The following SRRM3 variants were observed in gnomAD, a reference collection of about 807,000 sequenced individuals.
The protein encoded by SRRM3 is serine/arginine repetitive matrix protein 3.
Under a neutral mutation model 66.2 loss-of-function variants are expected in SRRM3, and 27 were observed. That is an observed-to-expected ratio of 0.41 (90% CI 0.30 to 0.56). The LOEUF (loss-of-function observed/expected upper bound fraction) is 0.56, where lower values mean the gene tolerates loss of function less well. Ranked by LOEUF, SRRM3 falls within the 20% of genes least tolerant of loss-of-function variation. The pLI, the probability that SRRM3 is intolerant of heterozygous loss-of-function variation, is 0.32. For synonymous variants in SRRM3, 391 were observed against 414.9 expected, an observed-to-expected ratio of 0.94 and a Z score of 0.70; for missense variants, 918 against 991.9, an observed-to-expected ratio of 0.93 and a Z score of 1.00.
chr7:76,216,733 T>C, intron 1 of SRRM3, among the ~76,000 whole-genome samples: 1 of 152,144 alleles, frequency 6.6e-6, no homozygotes, highest in East Asian at 1.9e-4. Context: ...GGGGATGACA[T>C]GGAGAGTGAA....
chr7:76,262,770 C>T (rs1181655322), intron 8 of SRRM3, among the ~76,000 whole-genome samples: 9 of 151,568 alleles, frequency 5.9e-5, no homozygotes, highest in African/African-American at 1.5e-4. Flanking sequence ...GAGCTGAGAT[C>T]GCACCACTGC....
chr7:76,257,074 G>A (rs1298588532), intron 3 of SRRM3, among the ~76,000 whole-genome samples: 2 of 152,058 alleles, frequency 1.3e-5, no homozygotes, highest in African/African-American at 4.8e-5. Flanking sequence ...ATTTTGTGCT[G>A]ACCTCCTATC....
intron 12 of SRRM3, 53 bp from the exon 13 acceptor site, chr7:76,282,595 C>CGGG: frequency 1.9e-6 from 2 of 1,069,444 alleles, no homozygotes; most frequent in Non-Finnish European, 2.5e-6. Flanking sequence ...TCCCCGCCCC[C>CGGG]AGCCCCCTTT....
chr7:76,207,962 C>T (rs911028663), intron 1 of SRRM3, among the ~76,000 whole-genome samples: 5 of 152,290 alleles, frequency 3.3e-5, no homozygotes, highest in Admixed American at 3.3e-4. Flanking sequence ...CTGAGAGCAG[C>T]AGAGAGAGTC....
At position 76,267,394 on chromosome 7, in the gene SRRM3, G is replaced by C; in HGVS notation, c.967G>C (p.Ala323Pro). Residue 323 changes from alanine (A) to proline (P), a missense_variant, in exon 11 of 15, where the codon GCG becomes CCG. By Grantham distance (27) the Ala-to-Pro change is conservative (BLOSUM62 -1). Coordinates refer to ENST00000611745, the MANE Select transcript of SRRM3 (RefSeq NM_001110199.3). Reference protein sequence around the residue: ...RNGGSGQRSGAHGGRPGSAHS... With the variant: ...RNGGSGQRSGPHGGRPGSAHS... The stretch of plus-strand genomic sequence containing the variant: ...CGGCGGCAGCGGGCAGCGGAGCGGA[G>C]CGCACGGGGGCCGCCCCGGCTCGGC... 2 of 1,400,758 alleles carry C rather than the reference G, an allele frequency of 1.4e-6. No individual in the cohort carries two copies. Among genetic ancestry groups the C allele is most frequent in the Non-Finnish European group, 1.8e-6 (2 of 1,083,648 alleles). The allele number at this position is 1,400,758 out of a possible 1,614,324, so 86.8% of individuals were successfully genotyped here.
At chr7:76,239,140 C>T (rs1275402591) in intron 2 of SRRM3, among the ~76,000 whole-genome samples, 1 of 152,130 alleles carries the variant, frequency 6.6e-6, no homozygotes, top group East Asian at 1.9e-4. Flanking sequence ...TCAAGCCATT[C>T]TCCTGCCTCA....
At chr7:76,265,517 G>A (rs1261624409) in intron 10 of SRRM3, 49 bp downstream of exon 10, 6 of 1,490,958 alleles carry the variant, frequency 4.0e-6, no homozygotes, top group Non-Finnish European at 5.5e-6. Flanking sequence ...GATGAGGGTT[G>A]CAGATTAAAC....
intron 14 of SRRM3, among the ~76,000 whole-genome samples, chr7:76,284,921 CCTTT>C (rs1226751685): frequency 6.6e-6 from 1 of 152,154 alleles, no homozygotes; most frequent in Non-Finnish European, 1.5e-5. Context: ...CCTCCTTGTT[CCTTT>C]CGAGTGACCT....
chr7:76,225,860 A>C (rs1554603692), intron 1 of SRRM3, among the ~76,000 whole-genome samples: 3 of 152,226 alleles, frequency 2.0e-5, no homozygotes, highest in Non-Finnish European at 4.4e-5. Flanking sequence ...TTCATTTTAC[A>C]GGCAAGGAAA....
At chr7:76,241,122 C>A (rs1801284324) in intron 2 of SRRM3, among the ~76,000 whole-genome samples, 1 of 152,176 alleles carries the variant, frequency 6.6e-6, no homozygotes, top group South Asian at 2.1e-4. Flanking sequence ...GTCTCAAACT[C>A]CTGACCTCAA....
Position 76,239,538 on chromosome 7 carries a change from A to C in SRRM3, c.233+4239A>C, listed in dbSNP as rs532374048. On this transcript the variant is annotated intron_variant, in intron 2 of 14. Coordinates refer to ENST00000611745, the MANE Select transcript of SRRM3 (RefSeq NM_001110199.3). ...GAGCCCCCTGCCAATCCACCTACAA[A>C]AAAAAATTTTTTTAACTAGCCAGGT... Among the ~76,000 whole-genome samples the C allele has an allele frequency of 7.2e-5, 11 of 152,068 alleles. No homozygotes were observed. The South Asian group carries it at 2.3e-3, about 32-fold the overall frequency.
chr7:76,220,611 A>C (rs1800684888), intron 1 of SRRM3, among the ~76,000 whole-genome samples: 2 of 152,158 alleles, frequency 1.3e-5, no homozygotes, highest in South Asian at 4.1e-4. Context: ...CTGAGACGGC[A>C]GGGAAAGGGT....
chr7:76,242,748 C>T (rs1554605772), intron 2 of SRRM3, among the ~76,000 whole-genome samples: 1 of 152,142 alleles, frequency 6.6e-6, no homozygotes, highest in African/African-American at 2.4e-5. Flanking sequence ...AAGGAGCGTG[C>T]AACCTACATC....
intron 1 of SRRM3, among the ~76,000 whole-genome samples, chr7:76,216,301 C>T (rs1800570245): frequency 6.6e-6 from 1 of 152,114 alleles, no homozygotes; most frequent in East Asian, 1.9e-4. Flanking sequence ...CCCACCTCGG[C>T]CTCCCAAAGT....
At chr7:76,210,022 G>C (rs1347863211) in intron 1 of SRRM3, among the ~76,000 whole-genome samples, 8 of 152,246 alleles carry the variant, frequency 5.3e-5, no homozygotes, top group Non-Finnish European at 1.2e-4. Context: ...GTAGGAGGCA[G>C]AGAGGGAAAG....
chr7:76,224,200 C>CCA (rs1800799039), intron 1 of SRRM3, among the ~76,000 whole-genome samples: 1 of 145,040 alleles, frequency 6.9e-6, no homozygotes, highest in Non-Finnish European at 1.5e-5. Context: ...CTGCCACAGC[C>CCA]TCCTGAGTAG....
chr7:76,227,485 C>T (rs190329190), intron 1 of SRRM3, among the ~76,000 whole-genome samples: 1 of 152,348 alleles, frequency 6.6e-6, no homozygotes, highest in Admixed American at 6.5e-5. Context: ...ATTACAAACC[C>T]TGCCAGATTG....
chr7:76,264,616 G>A, intron 8 of SRRM3, 149 bp from the exon 9 acceptor site: 3 of 723,526 alleles, frequency 4.1e-6, no homozygotes. Context: ...AAGGGGTGGA[G>A]TAGGATGGAA....
chr7:76,216,931 G>A (rs937432394), intron 1 of SRRM3, among the ~76,000 whole-genome samples: 5 of 152,180 alleles, frequency 3.3e-5, no homozygotes, highest in African/African-American at 4.8e-5. Context: ...GCAGAAACCT[G>A]AGGGGATGCC....
Sources: gnomAD v4.1 joint callset for allele counts (sites outside exome capture counted in the v4.1 genomes callset) on GRCh38, gnomAD v4.1.1 for gene constraint, MANE v1.5 for transcripts, NCBI Gene and HGNC (gene_info 2026-07-23, HGNC 2026-07-21) for gene names.